The following FNTB variants were observed in gnomAD, a reference collection of about 807,000 sequenced individuals.
FNTB encodes protein farnesyltransferase subunit beta.
A neutral mutation model predicts 59.4 loss-of-function variants in FNTB; 27 were observed. That is an observed-to-expected ratio of 0.45 (90% confidence interval 0.34 to 0.63). FNTB has a LOEUF of 0.63. Among genes scored for constraint, FNTB ranks in the 20% least tolerant of loss-of-function variants. The pLI is 0.02. For missense variants in FNTB, 449 were observed against 559.6 expected, an observed-to-expected ratio of 0.80 and a Z score of 1.99; for synonymous variants, 230 against 220.7, an observed-to-expected ratio of 1.04 and a Z score of -0.37.
rs1422883340 is a variant in FNTB, at chr14:64,991,913, CAG to C, written c.144+4817_144+4818del. On this transcript the variant is annotated intron_variant, in intron 1 of 11. Transcript: ENST00000246166. This position sits in a 1 kb window ranked among gnomAD's most constrained non-coding sequence, Gnocchi z 4.4. ...GTGAGCTGGGCGGGTGGGCCCCTAT[CAG>C]GGTATTAAGAGGCAGGTGATGTGCT... 6.6e-6 allele frequency among the ~76,000 whole-genome samples: 1 copy of C among 152,100 alleles called. No individual in the cohort carries two copies. The highest frequency in any genetic ancestry group is 1.5e-5 in the Non-Finnish European group (1 of 68,016).
At chr14:65,022,040 C>T (rs1167302526) in intron 4 of FNTB, 2 of 455,934 alleles carry the variant, frequency 4.4e-6, no homozygotes, top group Non-Finnish European at 4.4e-6. Flanking sequence ...ACACGTCTGA[C>T]TCTGTGAGCA....
Position 65,053,272 on chromosome 14 carries a change from C to T in FNTB, c.990C>T (p.Phe330=), listed in dbSNP as rs34156365. Residue 330 remains phenylalanine (F), a synonymous_variant, in exon 10 of 12, where the codon TTC becomes TTT. Coordinates refer to ENST00000246166, the MANE Select transcript of FNTB (RefSeq NM_002028.4). ...DPALSMSHWM[F]HQQALQEYIL... ...CCCTTAGCATGAGCCACTGGATGTT[C>T]CATCAGCAGGCCCTGCAGGAGTACA... The T allele has an allele frequency of 0.013, 19,299 of 1,455,536 alleles. 134 individuals carry two copies. The highest frequency in any genetic ancestry group is 0.016 in the Non-Finnish European group (17,270 of 1,094,636). The allele number at this position is 1,455,536 out of a possible 1,614,324, so 90.2% of individuals were successfully genotyped here.
chr14:65,000,616 C>A (rs11848900), intron 1 of FNTB, among the ~76,000 whole-genome samples: 11 of 151,716 alleles, frequency 7.3e-5, no homozygotes, highest in Admixed American at 5.3e-4. Context: ...GTCAGGAGAT[C>A]GAGACCATCC....
At chr14:65,043,828 CAAAAAAAAAA>C (rs749243788) in intron 8 of FNTB, among the ~76,000 whole-genome samples, 18 of 64,242 alleles carry the variant, frequency 2.8e-4, no homozygotes, top group South Asian at 8.0e-4. Flanking sequence ...GACTCCGTCT[CAAAAAAAAAA>C]AAAAAAAAAA....
intron 8 of FNTB, 73 bp downstream of exon 8, chr14:65,040,992 C>G: frequency 6.4e-7 from 1 of 1,570,718 alleles, no homozygotes; most frequent in Non-Finnish European, 8.7e-7. Flanking sequence ...GACATGCAGG[C>G]TTCAGGAGAG....
intron 7 of FNTB, among the ~76,000 whole-genome samples, chr14:65,036,566 A>G (rs889249229): frequency 4.6e-5 from 7 of 152,214 alleles, no homozygotes; most frequent in Non-Finnish European, 1.0e-4. Flanking sequence ...AGAAATACAG[A>G]GAAATCAAAT....
At chr14:65,005,467 TTCTTTC>T (rs1156744937) in intron 2 of FNTB, among the ~76,000 whole-genome samples, 15 of 130,020 alleles carry the variant, frequency 1.2e-4, no homozygotes, top group African/African-American at 4.9e-4. Context: ...CTTTCTTTCT[TTCTTTC>T]TTTCTTTCTT....
chr14:64,998,364 G>A (rs1888481518), intron 1 of FNTB, among the ~76,000 whole-genome samples: 1 of 152,200 alleles, frequency 6.6e-6, no homozygotes, highest in South Asian at 2.1e-4. Flanking sequence ...CATATTCAAG[G>A]AGGTAAAGGA....
intron 3 of FNTB, 190 bp from the exon 4 acceptor site, chr14:65,015,434 TA>T: frequency 3.7e-6 from 1 of 269,214 alleles, no homozygotes; most frequent in Non-Finnish European, 6.8e-6. Flanking sequence ...TTTTTTTTTT[TA>T]ACAGATGGTC....
chr14:64,986,919 C>G lies in FNTB; in HGVS notation c.-35C>G. ...CAATGCGCGTTGTTGCTTAACGAAG[C>G]AGAGTCCTACACACTGTCTGCTGCT... is the stretch of plus-strand genomic sequence containing the variant. On this transcript the variant is annotated 5_prime_UTR_variant, in exon 1 of 12. Transcript: ENST00000246166. 6.2e-7 allele frequency: 1 copy of G among 1,612,952 alleles called. No homozygotes were observed. Among genetic ancestry groups the G allele is most frequent in the East Asian group, 2.2e-5 (1 of 44,868 alleles).
chr14:64,997,241 C>T lies in FNTB; in HGVS notation c.145-7008C>T, dbSNP rs947474673. 3.9e-5 allele frequency among the ~76,000 whole-genome samples: 6 copies of T among 152,304 alleles called. No individual in the cohort carries two copies. In the East Asian group the frequency reaches 1.2e-3, roughly 29 times the overall value. On this transcript the variant is annotated intron_variant, in intron 1 of 11. Transcript: ENST00000246166. The surrounding 1 kb of genome is among the most constrained non-coding windows in gnomAD (Gnocchi z 4.5). ...ACTCCTGTAGATAACATCCCAATTG[C>T]AGAACCTAAGATTGGCTGTTTGAGA...
At position 65,011,966 on chromosome 14, in the gene FNTB, G is replaced by T. The variant is rs1474601159; in HGVS notation, c.210-351G>T. 6.6e-6 allele frequency among the ~76,000 whole-genome samples: 1 copy of T among 152,236 alleles called. No individual in the cohort carries two copies. Among genetic ancestry groups the T allele is most frequent in the Non-Finnish European group, 1.5e-5 (1 of 68,036 alleles). On this transcript the variant is annotated intron_variant, in intron 2 of 11. Coordinates refer to ENST00000246166, the MANE Select transcript of FNTB (RefSeq NM_002028.4). The surrounding 1 kb of genome is among the most constrained non-coding windows in gnomAD (Gnocchi z 4.0). ...TGCTTATAGGATGGGGAGGCACAAA[G>T]ATATCTGTTCTTAGATGCTGGAGGA...
Position 65,027,543 on chromosome 14 carries a change from A to G in FNTB, c.465A>G (p.Ala155=). The stretch of plus-strand genomic sequence containing the variant: ...ATCCACACCTTGCACCCACATATGC[A>G]GCAGTCAATGCATTGTGCATCATTG... ...GQYPHLAPTY[A]AVNALCIIGT... The change falls in exon 5 of 12, where the codon GCA becomes GCG. Residue 155 remains alanine (A), a synonymous_variant. Coordinates refer to ENST00000246166, the MANE Select transcript of FNTB (RefSeq NM_002028.4). This position sits in a 1 kb window ranked among gnomAD's most constrained non-coding sequence, Gnocchi z 5.7. 1 of 1,614,208 alleles carries G rather than the reference A, an allele frequency of 6.2e-7. No individual in the cohort carries two copies. The highest frequency in any genetic ancestry group is 2.2e-5 in the East Asian group (1 of 44,888).
At chr14:65,045,534 G>T (rs2062458929) in intron 9 of FNTB, among the ~76,000 whole-genome samples, 1 of 151,586 alleles carries the variant, frequency 6.6e-6, no homozygotes, top group African/African-American at 2.4e-5. Flanking sequence ...TCCTGCCTCA[G>T]CCTCCTGAGT....
chr14:65,052,595 A>G (rs1394520956), intron 9 of FNTB, among the ~76,000 whole-genome samples: 1 of 152,226 alleles, frequency 6.6e-6, no homozygotes, highest in Non-Finnish European at 1.5e-5. Flanking sequence ...CTTCAGAGTG[A>G]AGAAGTCCAG....
rs1888614736 is a variant in FNTB at position 65,001,911 on chromosome 14, C to T, written c.145-2338C>T. Among the ~76,000 whole-genome samples, 1 of 152,206 alleles carries T rather than the reference C, an allele frequency of 6.6e-6. No individual in the cohort carries two copies. Among genetic ancestry groups the T allele is most frequent in the Admixed American group, 6.5e-5 (1 of 15,280 alleles). On this transcript the variant is annotated intron_variant, in intron 1 of 11. Transcript: ENST00000246166. This position sits in a 1 kb window ranked among gnomAD's most constrained non-coding sequence, Gnocchi z 5.5. ...TTTTGAAGTATTATAACCTTTTAAA[C>T]AGATCATCCTTCAAATTCATGTTCA... is the stretch of plus-strand genomic sequence containing the variant.
Position 65,029,760 on chromosome 14 carries a change from G to A in FNTB, c.605+1979G>A, listed in dbSNP as rs1372890945. On this transcript the variant is annotated intron_variant, in intron 6 of 11. Transcript: ENST00000246166. This position sits in a 1 kb window ranked among gnomAD's most constrained non-coding sequence, Gnocchi z 4.7. The stretch of plus-strand genomic sequence containing the variant: ...AGCTGGAGGGACAGGCTGGGAACAG[G>A]CTACAGAGGCCCTGAAATCTCCTAT... Among the ~76,000 whole-genome samples, 2 of 152,196 alleles carry A rather than the reference G, an allele frequency of 1.3e-5. No individual in the cohort carries two copies. Among genetic ancestry groups the A allele is most frequent in the Non-Finnish European group, 2.9e-5 (2 of 68,034 alleles).
At chr14:65,004,334 T>G (rs762886547) in intron 2 of FNTB, 21 bp downstream of exon 2, 1 of 1,610,372 alleles carries the variant, frequency 6.2e-7, no homozygotes. Context: ...GTTAGGAGTT[T>G]GAGGGGATCT....
At chr14:65,043,828 C>CAAAAAAAAAAA (rs749243788) in intron 8 of FNTB, among the ~76,000 whole-genome samples, 24 of 64,244 alleles carry the variant, frequency 3.7e-4, no homozygotes, top group African/African-American at 1.3e-3. Flanking sequence ...GACTCCGTCT[C>CAAAAAAAAAAA]AAAAAAAAAA....
Sources: allele counts gnomAD v4.1 joint callset (sites outside exome capture counted in the v4.1 genomes callset), GRCh38; gene constraint gnomAD v4.1.1; non-coding constraint Gnocchi (gnomAD v3.1); transcripts MANE v1.5; gene names NCBI Gene and HGNC (gene_info 2026-07-23, HGNC 2026-07-21).